Variants in BABAM2 observed in about 807,000 individuals in gnomAD.
BABAM2 encodes BRISC and BRCA1 A complex member 2, also known as BRISC and BRCA1-A complex member 2.
In BABAM2, 31 loss-of-function variants were observed where a neutral mutation model predicts 54.7. That is an observed-to-expected ratio of 0.57 (90% confidence interval 0.43 to 0.77). The LOEUF (loss-of-function observed/expected upper bound fraction) is 0.77. Ranked by LOEUF, BABAM2 falls within the 30% of genes least tolerant of loss-of-function variation. The probability of loss-of-function intolerance (pLI) is 0.00; values close to 1 mark genes in which losing one functional copy is unlikely to be tolerated. For missense variants in BABAM2, 364 were observed against 455.8 expected, an observed-to-expected ratio of 0.80 and a Z score of 1.83; for synonymous variants, 167 against 162.9, an observed-to-expected ratio of 1.03 and a Z score of -0.19.
chr2:28,061,334 C>T (rs1389770937), intron 6 of BABAM2, among the ~76,000 whole-genome samples: 3 of 150,798 alleles, frequency 2.0e-5, no homozygotes, highest in Admixed American at 6.6e-5. Context: ...GCCTGTAATC[C>T]CAGCACTTTG....
chr2:28,044,829 T>C (rs972248246), intron 5 of BABAM2, among the ~76,000 whole-genome samples: 1 of 152,248 alleles, frequency 6.6e-6, no homozygotes, highest in Middle Eastern at 3.4e-3. Context: ...AAACACACCA[T>C]GTCAAAATAC....
chr2:28,114,658 G>A (rs1401361209), intron 6 of BABAM2, among the ~76,000 whole-genome samples: 2 of 152,170 alleles, frequency 1.3e-5, no homozygotes, highest in East Asian at 1.9e-4. Flanking sequence ...ACCATATAAT[G>A]TGTTGTTTAG....
intron 6 of BABAM2, among the ~76,000 whole-genome samples, chr2:28,067,004 A>G (rs369877083): frequency 1.3e-5 from 2 of 152,100 alleles, no homozygotes; most frequent in African/African-American, 2.4e-5. Context: ...CTGGAGTGCA[A>G]TGGTGCAATC....
chr2:28,176,569 C>CAAAAAAAAAAAAAA lies in BABAM2; in HGVS notation c.680+47203_680+47216dup, dbSNP rs778275011. Reference sequence around the variant, plus strand: ...TGGGCAACACAGTGAGACTCTATCTCAAAAAAAAAAAAAAAAAAAAAAAAA... The same window carrying CAAAAAAAAAAAAAA: ...TGGGCAACACAGTGAGACTCTATCTCAAAAAAAAAAAAAAAAAAAAAAAAAAAAAAAAAAAAAAA... On this transcript the variant is annotated intron_variant, in intron 7 of 11. Coordinates refer to ENST00000379624, the MANE Select transcript of BABAM2 (RefSeq NM_199191.3). Among the ~76,000 whole-genome samples, 16 of 5,040 alleles carry CAAAAAAAAAAAAAA rather than the reference C, an allele frequency of 3.2e-3. 7 individuals carry two copies. Among genetic ancestry groups the CAAAAAAAAAAAAAA allele is most frequent in the Admixed American group, 0.014 (2 of 148 alleles). The allele number at this position is 5,040 out of a possible 152,430, so 3.3% of individuals were successfully genotyped here.
At chr2:28,007,184 A>G (rs1283877509) in intron 4 of BABAM2, among the ~76,000 whole-genome samples, 2 of 151,998 alleles carry the variant, frequency 1.3e-5, no homozygotes, top group African/African-American at 4.8e-5. Flanking sequence ...TTTTCACTGG[A>G]TTAAGAAAGC....
chr2:28,277,245 A>T (rs1040351776), intron 10 of BABAM2, among the ~76,000 whole-genome samples: 4 of 152,236 alleles, frequency 2.6e-5, no homozygotes, highest in Admixed American at 2.6e-4. Flanking sequence ...AGCTGGGACT[A>T]CAGGTGCCCG....
rs1307176947 is a variant in BABAM2 at position 28,117,833 on chromosome 2, G to A, written c.571-11438G>A. 2.6e-4 allele frequency among the ~76,000 whole-genome samples: 40 copies of A among 151,988 alleles called. 1 individual carries two copies. The highest frequency in any genetic ancestry group is 2.5e-3 in the Admixed American group (38 of 15,238). On this transcript the variant is annotated intron_variant, in intron 6 of 11. Transcript: ENST00000379624. ...AGAGAAGCTTCCTGAGAGAGGAGAG[G>A]GTATCAGGCAAGCAATATCACATAT... is the stretch of plus-strand genomic sequence containing the variant.
At chr2:28,001,602 A>G (rs185309278) in intron 4 of BABAM2, among the ~76,000 whole-genome samples, 136 of 152,304 alleles carry the variant, frequency 8.9e-4, no homozygotes, top group Middle Eastern at 3.4e-3. Flanking sequence ...TTATAAAGAA[A>G]AGTAGTCTAT....
At chr2:27,890,510 CTCT>C, upstream of BABAM2, 1 of 631,742 alleles carries the variant, frequency 1.6e-6, no homozygotes. This position sits in a 1 kb window ranked among gnomAD's most constrained non-coding sequence, Gnocchi z 4.8. Flanking sequence ...CAAGTGTCCC[CTCT>C]TCTTCCTGGA....
At chr2:28,128,425 C>T (rs1347389941) in intron 6 of BABAM2, among the ~76,000 whole-genome samples, 2 of 152,318 alleles carry the variant, frequency 1.3e-5, no homozygotes, top group African/African-American at 4.8e-5. Context: ...AGAAGTCTGG[C>T]AGACACTTGG....
chr2:27,970,069 T>TTA (rs1303010567), intron 3 of BABAM2, among the ~76,000 whole-genome samples: 1 of 152,218 alleles, frequency 6.6e-6, no homozygotes, highest in African/African-American at 2.4e-5. Flanking sequence ...CAAATCCTTT[T>TTA]TATTCTTTAA....
chr2:28,325,933 TCAAG>T lies in BABAM2; in HGVS notation c.1089-12516_1089-12513del, dbSNP rs923239121. On this transcript the variant is annotated intron_variant, in intron 11 of 11. Coordinates refer to ENST00000379624, the MANE Select transcript of BABAM2 (RefSeq NM_199191.3). This position sits in a 1 kb window ranked among gnomAD's most constrained non-coding sequence, Gnocchi z 4.3. ...TCAGGGGAGGGGAAGGTTAGAGGCC[TCAAG>T]GAGTTGATCTCCTAAGTGTTCCTGA... Among the ~76,000 whole-genome samples the T allele has an allele frequency of 6.6e-6, 1 of 152,240 alleles. No homozygotes were observed. The highest frequency in any genetic ancestry group is 1.5e-5 in the Non-Finnish European group (1 of 68,038).
chr2:27,936,346 G>C (rs1411822069), intron 3 of BABAM2, among the ~76,000 whole-genome samples: 1 of 152,156 alleles, frequency 6.6e-6, no homozygotes, highest in East Asian at 1.9e-4. Flanking sequence ...TTACACTGTT[G>C]GTGGGACTGT....
chr2:28,118,907 T>C (rs1481045314), intron 6 of BABAM2, among the ~76,000 whole-genome samples: 1 of 151,962 alleles, frequency 6.6e-6, no homozygotes, highest in Non-Finnish European at 1.5e-5. Flanking sequence ...TTGTATAAGG[T>C]GTAAGGAAGG....
intron 6 of BABAM2, among the ~76,000 whole-genome samples, chr2:28,126,031 T>C (rs992552463): frequency 3.3e-5 from 5 of 152,210 alleles, no homozygotes; most frequent in African/African-American, 1.2e-4. Context: ...ATTGGTTACC[T>C]TGAAAAGTGG....
At chr2:28,018,880 C>G (rs1334064990) in intron 4 of BABAM2, among the ~76,000 whole-genome samples, 4 of 152,114 alleles carry the variant, frequency 2.6e-5, no homozygotes, top group African/African-American at 9.7e-5. Flanking sequence ...ATGTGCAGGA[C>G]GTGCAGGTTT....
intron 3 of BABAM2, among the ~76,000 whole-genome samples, chr2:27,963,241 G>A (rs1360156544): frequency 6.6e-6 from 1 of 152,078 alleles, no homozygotes; most frequent in Non-Finnish European, 1.5e-5. Context: ...AGGCTGAAGC[G>A]GGTGGATCAC....
chr2:28,279,752 G>A (rs1273157673), intron 10 of BABAM2, among the ~76,000 whole-genome samples: 3 of 140,450 alleles, frequency 2.1e-5, no homozygotes, highest in Non-Finnish European at 4.5e-5. Context: ...CGCTACCTCT[G>A]CCTCCTGGAT....
intron 7 of BABAM2, among the ~76,000 whole-genome samples, chr2:28,187,083 G>T (rs965723446): frequency 6.6e-6 from 1 of 152,170 alleles, no homozygotes; most frequent in Non-Finnish European, 1.5e-5. Context: ...GGGATTGCAG[G>T]CGTGAGCCAC....
Sources: allele counts gnomAD v4.1 joint callset (sites outside exome capture counted in the v4.1 genomes callset), GRCh38; gene constraint gnomAD v4.1.1; non-coding constraint Gnocchi (gnomAD v3.1); transcripts MANE v1.5; gene names NCBI Gene and HGNC (gene_info 2026-07-23, HGNC 2026-07-21).